The following GRM7 variants were observed in gnomAD, a reference collection of about 807,000 sequenced individuals.
GRM7 encodes metabotropic glutamate receptor 7.
A neutral mutation model predicts 84.5 loss-of-function variants in GRM7; 35 were observed. The ratio of observed to expected loss-of-function variants is 0.41; its 90% CI spans 0.32 to 0.55. GRM7 has a LOEUF of 0.55. Ranked by LOEUF, GRM7 falls within the 20% of genes least tolerant of loss-of-function variation. GRM7 has a pLI of 0.19. For synonymous variants in GRM7, 487 were observed against 455.1 expected, an observed-to-expected ratio of 1.07 and a Z score of -0.89; for missense variants, 1,003 against 1,194.6, an observed-to-expected ratio of 0.84 and a Z score of 2.36.
At chr3:7,204,647 A>G (rs1696175804) in intron 2 of GRM7, among the ~76,000 whole-genome samples, 1 of 152,228 alleles carries the variant, frequency 6.6e-6, no homozygotes, top group Non-Finnish European at 1.5e-5. Context: ...CACTGCAGAA[A>G]TAGGAAGACC....
At chr3:7,216,648 A>T (rs997880309) in intron 2 of GRM7, among the ~76,000 whole-genome samples, 7 of 152,182 alleles carry the variant, frequency 4.6e-5, no homozygotes, top group African/African-American at 1.7e-4. Flanking sequence ...CTCCCTAAAA[A>T]TTCCCCAAAT....
chr3:7,662,199 G>T (rs1699491493), intron 8 of GRM7, among the ~76,000 whole-genome samples: 1 of 152,150 alleles, frequency 6.6e-6, no homozygotes, highest in Non-Finnish European at 1.5e-5. Context: ...CTAGAAAACA[G>T]AAAAGAATTT....
intron 1 of GRM7, among the ~76,000 whole-genome samples, chr3:7,131,326 T>G (rs1693591003): frequency 1.3e-5 from 2 of 152,184 alleles, no homozygotes; most frequent in African/African-American, 4.8e-5. Flanking sequence ...TCTACTTGAA[T>G]CCTTGGGGAG....
intron 1 of GRM7, among the ~76,000 whole-genome samples, chr3:6,998,119 C>CAAAAGAAAAAAAAAAAAAAAAAAA (rs1694885355): frequency 5.4e-5 from 1 of 18,432 alleles, no homozygotes. Context: ...ATCTCCATCT[C>CAAAAGAAAAAAAAAAAAAAAAAAA]AAAAAAAAAA....
intron 7 of GRM7, among the ~76,000 whole-genome samples, chr3:7,567,690 G>A (rs1329098768): frequency 2.2e-5 from 3 of 135,432 alleles, no homozygotes; most frequent in Non-Finnish European, 4.6e-5. Context: ...AGAGGTTGCA[G>A]TGAGCCCAGA....
At chr3:7,681,588 C>A (rs1700370513) in intron 9 of GRM7, 1 of 152,124 alleles carries the variant, frequency 6.6e-6, no homozygotes, top group Non-Finnish European at 1.5e-5. Flanking sequence ...TAGGACAAGT[C>A]TAAAGGAACA....
intron 8 of GRM7, among the ~76,000 whole-genome samples, chr3:7,661,859 A>AT (rs112210913): frequency 0.41 from 58,980 of 145,354 alleles, 14,036 homozygotes; most frequent in Non-Finnish European, 0.54. Flanking sequence ...TACTTTGGCA[A>AT]TTTTTTAACA....
At chr3:7,516,321 C>CA (rs1454736113) in intron 7 of GRM7, among the ~76,000 whole-genome samples, 2 of 150,498 alleles carry the variant, frequency 1.3e-5, no homozygotes, top group Non-Finnish European at 3.0e-5. Flanking sequence ...ACTAAAAATA[C>CA]AAAAAATTAG....
chr3:6,867,955 T>G (rs1343039457), intron 1 of GRM7, among the ~76,000 whole-genome samples: 3 of 152,164 alleles, frequency 2.0e-5, no homozygotes, highest in Non-Finnish European at 4.4e-5. Flanking sequence ...GATTACAAAA[T>G]CAAAAATCAA....
chr3:7,226,665 T>C (rs56307527), intron 2 of GRM7, among the ~76,000 whole-genome samples: 6 of 152,172 alleles, frequency 3.9e-5, no homozygotes, highest in African/African-American at 1.4e-4. Context: ...GTGTCCACCA[T>C]AGAAGATAAG....
intron 2 of GRM7, among the ~76,000 whole-genome samples, chr3:7,186,240 T>C (rs991856826): frequency 6.6e-6 from 1 of 152,208 alleles, no homozygotes; most frequent in Non-Finnish European, 1.5e-5. Flanking sequence ...TGCGTGTATT[T>C]TTTCTTTTGG....
chr3:7,003,813 A>G (rs1482970976), intron 1 of GRM7, among the ~76,000 whole-genome samples: 1 of 152,206 alleles, frequency 6.6e-6, no homozygotes, highest in Non-Finnish European at 1.5e-5. Flanking sequence ...CTTATTTCAT[A>G]TACTTTGTTT....
At chr3:7,263,706 T>C (rs1698525492) in intron 2 of GRM7, among the ~76,000 whole-genome samples, 1 of 152,090 alleles carries the variant, frequency 6.6e-6, no homozygotes. Context: ...TTTCCATGCC[T>C]AGTTTCGTGC....
chr3:7,099,575 TGC>T (rs1559439429), intron 1 of GRM7, among the ~76,000 whole-genome samples: 12 of 144,384 alleles, frequency 8.3e-5, no homozygotes, highest in African/African-American at 2.0e-4. Flanking sequence ...ATTATACATG[TGC>T]ACATATATGT....
intron 7 of GRM7, among the ~76,000 whole-genome samples, chr3:7,528,381 G>A (rs565352060): frequency 6.6e-6 from 1 of 151,912 alleles, no homozygotes; most frequent in Non-Finnish European, 1.5e-5. Context: ...CACTTTCACT[G>A]TTTCTGATTT....
chr3:7,637,076 A>G (rs1698132095), intron 8 of GRM7, among the ~76,000 whole-genome samples: 2 of 152,246 alleles, frequency 1.3e-5, no homozygotes, highest in South Asian at 4.1e-4. Context: ...AGTGGTTGGT[A>G]GAAATGCATG....
At position 6,863,260 on chromosome 3, in the gene GRM7, C is replaced by T. The variant is rs1166010131; in HGVS notation, c.519+1353C>T. Among the ~76,000 whole-genome samples, 1 of 152,242 alleles carries T rather than the reference C, an allele frequency of 6.6e-6. No homozygotes were observed. The highest frequency in any genetic ancestry group is 2.4e-5 in the African/African-American group (1 of 41,538). Reference sequence around the variant, plus strand: ...CAGTGCATAGCGGCTCTCTCCCTGGCTGGTGGTACCCAAACCTAGTTAATC... The same window carrying T: ...CAGTGCATAGCGGCTCTCTCCCTGGTTGGTGGTACCCAAACCTAGTTAATC... On this transcript the variant is annotated intron_variant, in intron 1 of 9. Coordinates refer to ENST00000357716, the MANE Select transcript of GRM7 (RefSeq NM_000844.4). The surrounding 1 kb of genome is among the most constrained non-coding windows in gnomAD (Gnocchi z 4.8).
chr3:7,454,775 T>C (rs115977728), intron 6 of GRM7, among the ~76,000 whole-genome samples: 2,216 of 152,224 alleles, frequency 0.015, 33 homozygotes, highest in Non-Finnish European at 0.025. Flanking sequence ...ATATGTATGG[T>C]TTTTAATATA....
At chr3:7,090,234 C>G (rs1292156174) in intron 1 of GRM7, among the ~76,000 whole-genome samples, 1 of 151,990 alleles carries the variant, frequency 6.6e-6, no homozygotes, top group East Asian at 1.9e-4. Flanking sequence ...AATTTGAGAA[C>G]AGTGATGTGA....
Sources: allele counts gnomAD v4.1 joint callset (sites outside exome capture counted in the v4.1 genomes callset), GRCh38; gene constraint gnomAD v4.1.1; non-coding constraint Gnocchi (gnomAD v3.1); transcripts MANE v1.5; gene names NCBI Gene and HGNC (gene_info 2026-07-23, HGNC 2026-07-21).